The following ADAMTSL1 variants were observed in gnomAD, a reference collection of about 807,000 sequenced individuals.
The protein encoded by ADAMTSL1 is ADAMTS-like protein 1.
ADAMTSL1 carries 126 observed loss-of-function variants against 201.8 expected under a neutral mutation model. That is an observed-to-expected ratio of 0.62 (90% CI 0.54 to 0.72). The LOEUF (loss-of-function observed/expected upper bound fraction) is 0.72. Among genes scored for constraint, ADAMTSL1 ranks in the 30% least tolerant of loss-of-function variants. The pLI is 0.00. For synonymous variants in ADAMTSL1, 1,121 were observed against 903.4 expected (o/e 1.24, Z -4.32); for missense variants, 2,679 against 2,277.8 (o/e 1.18, Z -3.59).
At chr9:18,165,940 C>T (rs1165853671) in intron 2 of ADAMTSL1, among the ~76,000 whole-genome samples, 1 of 151,848 alleles carries the variant, frequency 6.6e-6, no homozygotes, top group Non-Finnish European at 1.5e-5. Flanking sequence ...AGGTGGAATT[C>T]CCTTTCTTGC....
At chr9:18,789,990 A>C (rs1394053099) in intron 19 of ADAMTSL1, among the ~76,000 whole-genome samples, 1 of 152,234 alleles carries the variant, frequency 6.6e-6, no homozygotes, top group Non-Finnish European at 1.5e-5. Context: ...AGGTGGCACA[A>C]TAACATATCC....
At chr9:18,891,758 T>TGAGGCCCAGATTACTTTCCAGGTCAGGAG in intron 25 of ADAMTSL1, among the ~76,000 whole-genome samples, 1 of 152,352 alleles carries the variant, frequency 6.6e-6, no homozygotes, top group East Asian at 1.9e-4. Flanking sequence ...TTGACTTCAG[T>TGAGGCCCAGATTACTTTCCAGGTCAGGAG]GAGGCCCAGA....
chr9:18,013,146 A>G (rs2131561522), intron 1 of ADAMTSL1, among the ~76,000 whole-genome samples: 1 of 152,160 alleles, frequency 6.6e-6, no homozygotes, highest in East Asian at 1.9e-4. Context: ...ACCAAAAGTA[A>G]CAATATAATA....
At chr9:18,771,611 C>G (rs1168355260) in intron 17 of ADAMTSL1, among the ~76,000 whole-genome samples, 1 of 151,320 alleles carries the variant, frequency 6.6e-6, no homozygotes, top group Non-Finnish European at 1.5e-5. Flanking sequence ...AACAGAATCA[C>G]TAGACCTGAA....
At chr9:18,869,060 C>T (rs1827723098) in intron 23 of ADAMTSL1, among the ~76,000 whole-genome samples, 2 of 152,188 alleles carry the variant, frequency 1.3e-5, no homozygotes, top group Non-Finnish European at 2.9e-5. Flanking sequence ...TAGATATACG[C>T]AGACATGCAC....
chr9:18,025,649 C>T (rs1270801580), intron 1 of ADAMTSL1, among the ~76,000 whole-genome samples: 1 of 152,110 alleles, frequency 6.6e-6, no homozygotes, highest in African/African-American at 2.4e-5. Context: ...GTTTTGGTTA[C>T]TGTGGCCTTG....
intron 2 of ADAMTSL1, among the ~76,000 whole-genome samples, chr9:18,329,358 C>G (rs1834944686): frequency 6.6e-6 from 1 of 152,138 alleles, no homozygotes; most frequent in Admixed American, 6.5e-5. Flanking sequence ...TACCTTCACA[C>G]TCACTCAAGT....
chr9:18,405,542 G>C (rs969259479), intron 2 of ADAMTSL1, among the ~76,000 whole-genome samples: 4 of 151,460 alleles, frequency 2.6e-5, no homozygotes, highest in African/African-American at 9.7e-5. Flanking sequence ...CAGTTGACGT[G>C]AGAGGAGGGA....
chr9:18,158,219 C>G (rs761167998), intron 1 of ADAMTSL1, among the ~76,000 whole-genome samples: 1 of 151,780 alleles, frequency 6.6e-6, no homozygotes, highest in Non-Finnish European at 1.5e-5. Flanking sequence ...TTCTGATTGG[C>G]AAATATGAGT....
chr9:18,359,232 T>C (rs1357017855), intron 2 of ADAMTSL1, among the ~76,000 whole-genome samples: 2 of 152,216 alleles, frequency 1.3e-5, no homozygotes, highest in Non-Finnish European at 2.9e-5. Context: ...TGTATAAAGA[T>C]ATCCCCTTCC....
At chr9:18,221,070 C>T (rs1830240542) in intron 2 of ADAMTSL1, among the ~76,000 whole-genome samples, 1 of 152,088 alleles carries the variant, frequency 6.6e-6, no homozygotes, top group South Asian at 2.1e-4. Context: ...TCGCCATGCC[C>T]AGCCCGTTAC....
intron 2 of ADAMTSL1, among the ~76,000 whole-genome samples, chr9:18,343,935 A>G (rs1405107590): frequency 1.3e-5 from 2 of 152,142 alleles, no homozygotes; most frequent in African/African-American, 2.4e-5. Context: ...GATTCCGCCT[A>G]TGCAAATCTC....
At chr9:18,720,412 T>C (rs1449472826) in intron 14 of ADAMTSL1, among the ~76,000 whole-genome samples, 1 of 152,186 alleles carries the variant, frequency 6.6e-6, no homozygotes, top group Non-Finnish European at 1.5e-5. Context: ...ATAATGGGCA[T>C]CCTGTATATG....
intron 2 of ADAMTSL1, among the ~76,000 whole-genome samples, chr9:18,325,891 C>G (rs1020388317): frequency 6.6e-6 from 1 of 152,184 alleles, no homozygotes; most frequent in African/African-American, 2.4e-5. Context: ...CAGGCATGCA[C>G]CACTACGCCT....
intron 8 of ADAMTSL1, among the ~76,000 whole-genome samples, chr9:18,660,984 C>A (rs537901846): frequency 6.6e-6 from 1 of 152,000 alleles, no homozygotes; most frequent in South Asian, 2.1e-4. Context: ...CCGTGTTCAA[C>A]CCACCTGCTA....
intron 2 of ADAMTSL1, among the ~76,000 whole-genome samples, chr9:18,420,303 G>T (rs896646784): frequency 6.6e-6 from 1 of 152,188 alleles, no homozygotes; most frequent in Admixed American, 6.5e-5. Context: ...GGGGATAAGG[G>T]CTTGAACTAG....
At chr9:18,637,947 T>G (rs951412626) in intron 6 of ADAMTSL1, among the ~76,000 whole-genome samples, 5 of 152,164 alleles carry the variant, frequency 3.3e-5, no homozygotes, top group Non-Finnish European at 5.9e-5. Context: ...CTAAGTTAAT[T>G]GATGTCCTAG....
At chr9:18,099,355 A>ATATATATATTTTTT (rs1239180390) in intron 1 of ADAMTSL1, among the ~76,000 whole-genome samples, 2 of 45,546 alleles carry the variant, frequency 4.4e-5, no homozygotes, top group African/African-American at 1.6e-4. Flanking sequence ...ATATATATAT[A>ATATATATATTTTTT]TTTTTTTTTT....
At chr9:18,789,265 C>G (rs779564560) in intron 19 of ADAMTSL1, among the ~76,000 whole-genome samples, 15 of 152,224 alleles carry the variant, frequency 9.9e-5, no homozygotes, top group Non-Finnish European at 1.6e-4. Context: ...AGGCACTTTT[C>G]TGTGTCCTTT....
Sources: gnomAD v4.1 joint callset for allele counts (sites outside exome capture counted in the v4.1 genomes callset) on GRCh38, gnomAD v4.1.1 for gene constraint, MANE v1.5 for transcripts, NCBI Gene and HGNC (gene_info 2026-07-23, HGNC 2026-07-21) for gene names.